TMEM182: variants seen among roughly 807,000 people sequenced by gnomAD.
TMEM182 encodes the protein transmembrane protein 182.
A neutral mutation model predicts 26.8 loss-of-function variants in TMEM182; 20 were observed. The observed-to-expected ratio is 0.75, with a 90% CI of 0.53 to 1.09. TMEM182 has a LOEUF of 1.09. Among genes scored for constraint, TMEM182 ranks in the 50% least tolerant of loss-of-function variants. The pLI is 0.00. For missense variants in TMEM182, 277 were observed against 275.5 expected (o/e 1.01, Z -0.04); for synonymous variants, 109 against 102.2 (o/e 1.07, Z -0.40).
At chr2:102,804,308 C>T (rs543575736) in intron 4 of TMEM182, among the ~76,000 whole-genome samples, 1 of 151,838 alleles carries the variant, frequency 6.6e-6, no homozygotes, top group Non-Finnish European at 1.5e-5. Context: ...ATCCCTTGCC[C>T]CCTTCTACCC....
At chr2:102,751,420 A>C (rs1679872828) in intron 1 of TMEM182, among the ~76,000 whole-genome samples, 1 of 152,132 alleles carries the variant, frequency 6.6e-6, no homozygotes, top group Non-Finnish European at 1.5e-5. Context: ...GTGGTTGGAA[A>C]GGAGAAGGAA....
At position 102,762,298 on chromosome 2, in the gene TMEM182, G is replaced by A. The variant is rs147702904; in HGVS notation, c.81G>A (p.Ser27=). 1.3e-4 allele frequency: 207 copies of A among 1,613,640 alleles called. No homozygotes were observed. The highest frequency in any genetic ancestry group is 1.5e-4 in the Non-Finnish European group (182 of 1,179,886). Residue 27 remains serine, a synonymous_variant, in exon 1 of 5, where the codon TCG becomes TCA. Coordinates refer to ENST00000412401, the MANE Select transcript of TMEM182 (RefSeq NM_144632.5). ...TACTCTTTTTGGTGGCTTTTGGATC[G>A]GATTATTGGCTTCTTGCAACTGAAG... ...GVLLFLVAFG[S]DYWLLATEVG... is the part of the protein sequence containing the mutation.
At chr2:102,825,472 T>A (rs575930658) in intron 3 of TMEM182, among the ~76,000 whole-genome samples, 1 of 152,354 alleles carries the variant, frequency 6.6e-6, no homozygotes, top group Admixed American at 6.5e-5. Flanking sequence ...ATTGAGACTC[T>A]TTGAATCATA....
chr2:102,815,742 A>G lies in TMEM182; in HGVS notation c.*774A>G, dbSNP rs1682718497. On this transcript the variant is annotated 3_prime_UTR_variant, in exon 5 of 5. Coordinates refer to ENST00000412401, the MANE Select transcript of TMEM182 (RefSeq NM_144632.5). ...GTAATATTGTTTAAAATATGTAAAA[A>G]CCAAGCATTTCCGCTTGGTCCATAA... is the stretch of plus-strand genomic sequence containing the variant. 2 of 956,950 alleles carry G rather than the reference A, an allele frequency of 2.1e-6. No individual in the cohort carries two copies. Among genetic ancestry groups the G allele is most frequent in the African/African-American group, 3.5e-5 (2 of 56,570 alleles). The allele number at this position is 956,950 out of a possible 1,614,324, so 59.3% of individuals were successfully genotyped here. A position where few individuals can be genotyped will look rare whatever the true frequency, so the allele number is the denominator to read the frequency against.
intron 1 of TMEM182, 28 bp from the exon 2 acceptor site, chr2:102,762,559 G>A: frequency 1.3e-6 from 2 of 1,592,112 alleles, no homozygotes; most frequent in South Asian, 1.1e-5. Context: ...TGTATTGATG[G>A]CAAGTTACTT....
chr2:102,750,167 G>T (rs1279580083), intron 1 of TMEM182, among the ~76,000 whole-genome samples: 1 of 151,894 alleles, frequency 6.6e-6, no homozygotes, highest in African/African-American at 2.4e-5. Flanking sequence ...CCATTTTCTG[G>T]TTTGAACTCT....
chr2:102,786,119 G>A (rs1303921360), intron 3 of TMEM182, among the ~76,000 whole-genome samples: 3 of 150,472 alleles, frequency 2.0e-5, no homozygotes, highest in Non-Finnish European at 3.0e-5. Flanking sequence ...TTGGGCAGGA[G>A]GATTTACAGA....
intron 1 of TMEM182, among the ~76,000 whole-genome samples, chr2:102,744,538 C>A (rs977726243): frequency 6.6e-6 from 1 of 152,016 alleles, no homozygotes; most frequent in Non-Finnish European, 1.5e-5. Flanking sequence ...GATCTCTGAC[C>A]TATATCATAT....
chr2:102,762,965 A>G (rs1405176140), intron 2 of TMEM182, among the ~76,000 whole-genome samples: 1 of 152,224 alleles, frequency 6.6e-6, no homozygotes, highest in African/African-American at 2.4e-5. Flanking sequence ...CACTAACTCT[A>G]ACAAACAGGA....
chr2:102,747,944 A>AGT (rs971195203), intron 1 of TMEM182, among the ~76,000 whole-genome samples: 2 of 152,074 alleles, frequency 1.3e-5, no homozygotes, highest in Admixed American at 6.5e-5. Flanking sequence ...TAAGACAGAA[A>AGT]GTGTGTGTGT....
intron 1 of TMEM182, 70 bp from the exon 2 acceptor site, chr2:102,762,517 T>C: frequency 6.4e-7 from 1 of 1,554,900 alleles, no homozygotes; most frequent in South Asian, 1.2e-5. Flanking sequence ...CCTTAAAAAT[T>C]TACTGGCTGT....
chr2:102,783,288 G>T (rs559964759), intron 3 of TMEM182, among the ~76,000 whole-genome samples: 1 of 152,302 alleles, frequency 6.6e-6, no homozygotes, highest in Non-Finnish European at 1.5e-5. Context: ...TAGATGGCTG[G>T]TTTTTTCAAA....
intron 4 of TMEM182, among the ~76,000 whole-genome samples, chr2:102,798,705 G>A (rs1681986654): frequency 6.6e-6 from 1 of 152,102 alleles, no homozygotes. Flanking sequence ...GCCAGGCGTG[G>A]TGGCATGTGC....
intron 1 of TMEM182, among the ~76,000 whole-genome samples, chr2:102,743,994 G>A (rs1445402391): frequency 6.6e-6 from 1 of 152,098 alleles, no homozygotes; most frequent in Non-Finnish European, 1.5e-5. Context: ...ACAAATCCAC[G>A]ATTACAGTTG....
upstream of TMEM182, among the ~76,000 whole-genome samples, chr2:102,760,242 A>G (rs138612501): frequency 4.7e-3 from 720 of 152,314 alleles, 5 homozygotes; most frequent in African/African-American, 0.017. Flanking sequence ...AGACCTCTAT[A>G]TAGGGGTAGG....
intron 1 of TMEM182, among the ~76,000 whole-genome samples, chr2:102,753,514 G>C (rs905962347): frequency 6.7e-6 from 1 of 149,820 alleles, no homozygotes; most frequent in Non-Finnish European, 1.5e-5. Flanking sequence ...CTAATAAGTC[G>C]TTGTTCTACT....
chr2:102,762,169 C>T lies in TMEM182; in HGVS notation c.-49C>T. 1 of 1,380,624 alleles carries T rather than the reference C, an allele frequency of 7.2e-7. No homozygotes were observed. The highest frequency in any genetic ancestry group is 2.6e-5 in the East Asian group (1 of 38,502). The allele number at this position is 1,380,624 out of a possible 1,614,324, so 85.5% of individuals were successfully genotyped here. On this transcript the variant is annotated 5_prime_UTR_variant, in exon 1 of 5. Coordinates refer to ENST00000412401, the MANE Select transcript of TMEM182 (RefSeq NM_144632.5). ...TGTTTCTGAGAAACTAGGTGTCTTA[C>T]CATTTTAAAATTTCATATTTTATTT...
chr2:102,768,600 C>A lies in TMEM182; in HGVS notation c.331+4173C>A, dbSNP rs1680554170. The stretch of plus-strand genomic sequence containing the variant: ...TCTGCAATCCCAACTACTCAGGAGG[C>A]TGAGGCATGAGAATTGCTTGAACCT... On this transcript the variant is annotated intron_variant, in intron 3 of 4. Transcript: ENST00000412401. 2.0e-5 allele frequency among the ~76,000 whole-genome samples: 3 copies of A among 151,712 alleles called. No homozygotes were observed. The South Asian group carries it at 6.3e-4, about 32-fold the overall frequency.
At position 102,828,900 on chromosome 2, in the gene TMEM182, T is replaced by C. The variant is rs185568627; in HGVS notation, c.326-14512T>C. Among the ~76,000 whole-genome samples, 3 of 152,300 alleles carry C rather than the reference T, an allele frequency of 2.0e-5. No homozygotes were observed. The East Asian group carries it at 5.8e-4, about 29-fold the overall frequency. ...GTAAGGCTAAACAGTTAACCTGAAA[T>C]TGCCTAAGAATTGATTTCCAGCAAA... On this transcript the variant is annotated intron_variant, in intron 3 of 3. Transcript: ENST00000486293.
Sources: allele counts gnomAD v4.1 joint callset (sites outside exome capture counted in the v4.1 genomes callset), GRCh38; gene constraint gnomAD v4.1.1; transcripts MANE v1.5; gene names NCBI Gene and HGNC (gene_info 2026-07-23, HGNC 2026-07-21).